HEATR4: variants seen among roughly 807,000 people sequenced by gnomAD.
HEATR4 encodes the protein HEAT repeat containing 4, also known as HEAT repeat-containing protein 4.
In HEATR4, 95 loss-of-function variants were observed where a neutral mutation model predicts 108.8. The observed-to-expected ratio is 0.87, with a 90% CI of 0.74 to 1.04. HEATR4 has a LOEUF of 1.04. Ranked by LOEUF, HEATR4 falls within the 50% of genes least tolerant of loss-of-function variation. HEATR4 has a pLI of 0.00. For synonymous variants in HEATR4, 443 were observed against 459.4 expected, an observed-to-expected ratio of 0.96 and a Z score of 0.46; for missense variants, 1,152 against 1,253.8, an observed-to-expected ratio of 0.92 and a Z score of 1.23.
In HEATR4 at chr14:73,534,774, G is replaced by GT. The variant is rs1339835144; in HGVS notation, c.-151-4531dup. Among the ~76,000 whole-genome samples the GT allele has an allele frequency of 1.7e-4, 18 of 106,156 alleles. 5 individuals carry two copies. The highest frequency in any genetic ancestry group is 2.8e-4 in the Non-Finnish European group (14 of 49,426). The allele number at this position is 106,156 out of a possible 152,430, so 69.6% of individuals were successfully genotyped here. A position where few individuals can be genotyped will look rare whatever the true frequency, so the allele number is the denominator to read the frequency against. On this transcript the variant is annotated intron_variant, in intron 1 of 17. Transcript: ENST00000553558. ...AACAGTTTGAAATAGTTAGATGTGT[G>GT]TTTTTTTTAATTTTCATGTCTTATC...
the HEATR4 span, among the ~76,000 whole-genome samples, chr14:73,608,523 G>A: frequency 2.0e-5 from 3 of 152,300 alleles, no homozygotes; most frequent in South Asian, 6.2e-4. Context: ...CATTTAATGA[G>A]CCTCTAGGAA....
At chr14:73,621,876 A>AC in the HEATR4 span, among the ~76,000 whole-genome samples, 1 of 144,156 alleles carries the variant, frequency 6.9e-6, no homozygotes, top group Non-Finnish European at 1.5e-5. Flanking sequence ...TGATCTTCTC[A>AC]CCTCAACTTC....
the HEATR4 span, among the ~76,000 whole-genome samples, chr14:73,613,866 A>G: frequency 1.3e-5 from 2 of 152,058 alleles, no homozygotes; most frequent in African/African-American, 4.8e-5. Context: ...AATCCCTTCT[A>G]ACTAAATTCC....
chr14:73,491,361 T>G, intron 17 of HEATR4: 1 of 1,381,088 alleles, frequency 7.2e-7, no homozygotes, highest in Non-Finnish European at 9.3e-7. Context: ...GCGCGCTCCC[T>G]GCAGACCCCG....
At chr14:73,564,404 G>C in the HEATR4 span, among the ~76,000 whole-genome samples, 1 of 151,854 alleles carries the variant, frequency 6.6e-6, no homozygotes, top group East Asian at 1.9e-4. Flanking sequence ...AAGCCCAGGA[G>C]TTCGAGACCA....
chr14:73,499,276 T>C, intron 12 of HEATR4, 136 bp from the exon 13 acceptor site: 1 of 742,798 alleles, frequency 1.3e-6, no homozygotes, highest in East Asian at 2.5e-5. Context: ...ACATCAGGAG[T>C]TTGAGACCAG....
At chr14:73,498,628 G>A (rs1170506951) in intron 13 of HEATR4, among the ~76,000 whole-genome samples, 2 of 152,152 alleles carry the variant, frequency 1.3e-5, no homozygotes, top group Non-Finnish European at 2.9e-5. Flanking sequence ...GGGAAAGGAG[G>A]CACAATTATT....
rs1887433333 is a variant in HEATR4 at position 73,514,020 on chromosome 14, C to T, written c.1414+11G>A. ...CAAACGTACAGTATCACAGGACCTC[C>T]CTTCACTCACTCAGAGCCCAGGCAG... On this transcript the variant is annotated intron_variant, in intron 6 of 17. Coordinates refer to ENST00000553558, the MANE Select transcript of HEATR4 (RefSeq NM_001220484.1). The T allele has an allele frequency of 4.3e-6, 7 of 1,613,626 alleles. No individual in the cohort carries two copies. Among genetic ancestry groups the T allele is most frequent in the Non-Finnish European group, 5.9e-6 (7 of 1,179,592 alleles).
chr14:73,608,417 C>T, the HEATR4 span, among the ~76,000 whole-genome samples: 6 of 152,190 alleles, frequency 3.9e-5, no homozygotes, highest in African/African-American at 1.4e-4. Flanking sequence ...CAAGAGTGAC[C>T]TTTACTTCAG....
At chr14:73,558,567 G>A (rs560701662) in intron 1 of HEATR4, among the ~76,000 whole-genome samples, 184 bp downstream of exon 1, 19 of 143,770 alleles carry the variant, frequency 1.3e-4, no homozygotes, top group African/African-American at 4.4e-4. Context: ...TGTTGCTCAG[G>A]CTGGTCTTGA....
the HEATR4 span, chr14:73,616,699 AT>A: frequency 0.15 from 30,822 of 202,958 alleles, 3,167 homozygotes; most frequent in Non-Finnish European, 0.21. Flanking sequence ...TCAAAAAAAA[AT>A]TTTTTTTTTA....
the HEATR4 span, chr14:73,592,140 G>C: frequency 5.0e-6 from 8 of 1,589,780 alleles, no homozygotes; most frequent in South Asian, 1.1e-5. Flanking sequence ...CGGCGAGCTG[G>C]ACCTGGAGCG....
the HEATR4 span, among the ~76,000 whole-genome samples, chr14:73,599,158 G>A: frequency 6.6e-6 from 1 of 152,092 alleles, no homozygotes; most frequent in East Asian, 1.9e-4. Flanking sequence ...TGCCAGACAT[G>A]TGAGTGAAAA....
intron 17 of HEATR4, among the ~76,000 whole-genome samples, chr14:73,480,425 G>A (rs1885204493): frequency 6.6e-6 from 1 of 152,152 alleles, no homozygotes; most frequent in Non-Finnish European, 1.5e-5. Context: ...GGGCGACAGA[G>A]AGAGACTTTG....
chr14:73,616,896 A>G, the HEATR4 span: 4 of 575,274 alleles, frequency 7.0e-6, no homozygotes, highest in Non-Finnish European at 6.2e-6. Flanking sequence ...TTCTCTGCCA[A>G]TCTCTCTACC....
At chr14:73,632,137 A>G in the HEATR4 span, 1 of 149,546 alleles carries the variant, frequency 6.7e-6, no homozygotes, top group African/African-American at 2.4e-5. Context: ...TTAAAAAAAA[A>G]AAAAGAAAAG....
the HEATR4 span, chr14:73,595,242 C>T: frequency 7.4e-6 from 12 of 1,614,096 alleles, no homozygotes; most frequent in Non-Finnish European, 1.0e-5. Flanking sequence ...ATCAAGGTAG[C>T]TTTCTCAGGC....
intron 17 of HEATR4, among the ~76,000 whole-genome samples, chr14:73,479,431 C>CTTTTTTTTTTT (rs1885156747): frequency 1.1e-5 from 1 of 90,756 alleles, no homozygotes; most frequent in African/African-American, 4.8e-5. Flanking sequence ...TTCTTTCTTT[C>CTTTTTTTTTTT]TTTCTTTCTT....
the HEATR4 span, among the ~76,000 whole-genome samples, chr14:73,598,932 A>G: frequency 6.6e-6 from 1 of 152,130 alleles, no homozygotes; most frequent in Admixed American, 6.6e-5. Context: ...CAAACCTGAG[A>G]GGCAGAGGTT....
Sources: gnomAD v4.1 joint callset for allele counts (sites outside exome capture counted in the v4.1 genomes callset) on GRCh38, gnomAD v4.1.1 for gene constraint, MANE v1.5 for transcripts, NCBI Gene and HGNC (gene_info 2026-07-23, HGNC 2026-07-21) for gene names.